GHR: variants seen among roughly 807,000 people sequenced by gnomAD.
GHR encodes GH receptor.
Under a neutral mutation model 67.1 loss-of-function variants are expected in GHR, and 35 were observed. That is an observed-to-expected ratio of 0.52 (90% CI 0.40 to 0.69). The LOEUF (loss-of-function observed/expected upper bound fraction) is 0.69. Among genes scored for constraint, GHR ranks in the 30% least tolerant of loss-of-function variants. The pLI, the probability that GHR is intolerant of heterozygous loss-of-function variation, is 0.00. For missense variants in GHR, 792 were observed against 764.6 expected (o/e 1.04, Z -0.42); for synonymous variants, 272 against 269.1 (o/e 1.01, Z -0.10).
intron 1 of GHR, among the ~76,000 whole-genome samples, chr5:42,440,128 C>T (rs543142580): frequency 3.3e-5 from 5 of 152,266 alleles, no homozygotes; most frequent in South Asian, 2.1e-4. Flanking sequence ...ATTTATTGAA[C>T]GTTTACACTT....
intron 2 of GHR, among the ~76,000 whole-genome samples, chr5:42,573,498 A>G (rs1203215257): frequency 6.6e-6 from 1 of 152,034 alleles, no homozygotes; most frequent in Non-Finnish European, 1.5e-5. Context: ...ACTGGCCAAC[A>G]TTCTGCATTA....
At chr5:42,519,303 C>A (rs1278542229) in intron 1 of GHR, among the ~76,000 whole-genome samples, 2 of 152,108 alleles carry the variant, frequency 1.3e-5, no homozygotes, top group Non-Finnish European at 2.9e-5. Flanking sequence ...AGAATAAGGG[C>A]AATGCATTGT....
intron 4 of GHR, among the ~76,000 whole-genome samples, chr5:42,694,449 C>T (rs1757571700): frequency 6.6e-6 from 1 of 152,124 alleles, no homozygotes; most frequent in South Asian, 2.1e-4. Flanking sequence ...CATCACTCTG[C>T]CTGGAGCACA....
chr5:42,685,792 T>C (rs1262638236), intron 3 of GHR, among the ~76,000 whole-genome samples: 1 of 151,866 alleles, frequency 6.6e-6, no homozygotes, highest in Admixed American at 6.6e-5. Context: ...GATGGGGTTG[T>C]TTTTTTTCTT....
chr5:42,654,014 A>G (rs1012153489), intron 3 of GHR, among the ~76,000 whole-genome samples: 4 of 152,110 alleles, frequency 2.6e-5, no homozygotes, highest in Non-Finnish European at 4.4e-5. Flanking sequence ...TGCCAGATAC[A>G]TTAGCTATTC....
At chr5:42,541,148 C>A (rs538701833) in intron 1 of GHR, among the ~76,000 whole-genome samples, 1 of 152,190 alleles carries the variant, frequency 6.6e-6, no homozygotes, top group African/African-American at 2.4e-5. Context: ...TAGGAGTCAA[C>A]CAAATCGTCT....
intron 1 of GHR, among the ~76,000 whole-genome samples, chr5:42,461,055 T>C (rs1744467970): frequency 6.6e-6 from 1 of 152,120 alleles, no homozygotes; most frequent in Non-Finnish European, 1.5e-5. Context: ...TGGGATATGC[T>C]TTCATTCCTA....
intron 5 of GHR, among the ~76,000 whole-genome samples, chr5:42,698,185 A>T (rs1757768375): frequency 6.6e-6 from 1 of 152,170 alleles, no homozygotes; most frequent in Admixed American, 6.5e-5. Context: ...TCAATATAGC[A>T]TGTAGATTTA....
At chr5:42,603,893 A>G (rs529254187) in intron 2 of GHR, among the ~76,000 whole-genome samples, 5 of 152,262 alleles carry the variant, frequency 3.3e-5, no homozygotes, top group African/African-American at 9.6e-5. Context: ...TCCAATGCCA[A>G]TTGCAAACCC....
At chr5:42,542,291 A>T (rs1748548547) in intron 1 of GHR, among the ~76,000 whole-genome samples, 1 of 152,166 alleles carries the variant, frequency 6.6e-6, no homozygotes, top group African/African-American at 2.4e-5. Flanking sequence ...GGCAAGTGTT[A>T]TTCATTGGTT....
In GHR at chr5:42,503,307, T is replaced by C. The variant is rs567315794; in HGVS notation, c.-11-62557T>C. Among the ~76,000 whole-genome samples, 264 of 152,322 alleles carry C rather than the reference T, an allele frequency of 1.7e-3. 8 individuals are homozygous for C. Among genetic ancestry groups the C allele is most frequent in the South Asian group, 3.3e-3 (16 of 4,830 alleles). On this transcript the variant is annotated intron_variant, in intron 1 of 9. Transcript: ENST00000230882. ...AAATGGGTAGTGTCAAAATATGGAA[T>C]GTGCTAGTAAAATAAGCACACAATT...
rs564424361 is a variant in GHR, at chr5:42,572,920, T to C, written c.70+6976T>C. ...TGGCATTTGTTGTGTTTCCCTCTTC[T>C]AAATGAAGTTATAATGACATCTGTG... On this transcript the variant is annotated intron_variant, in intron 2 of 9. Coordinates refer to ENST00000230882, the MANE Select transcript of GHR (RefSeq NM_000163.5). Among the ~76,000 whole-genome samples, 13 of 152,284 alleles carry C rather than the reference T, an allele frequency of 8.5e-5. No homozygotes were observed. The South Asian group carries it at 2.7e-3, about 32-fold the overall frequency.
intron 1 of GHR, among the ~76,000 whole-genome samples, chr5:42,463,575 T>C (rs1264594715): frequency 6.6e-6 from 1 of 152,228 alleles, no homozygotes; most frequent in Non-Finnish European, 1.5e-5. Flanking sequence ...TAGTCATCTT[T>C]CTGGAAATAT....
At chr5:42,613,639 G>A in intron 2 of GHR, among the ~76,000 whole-genome samples, 1 of 152,042 alleles carries the variant, frequency 6.6e-6, no homozygotes, top group East Asian at 1.9e-4. Flanking sequence ...AGAGGCTTAA[G>A]AACAGCTATT....
intron 1 of GHR, among the ~76,000 whole-genome samples, chr5:42,502,749 C>T (rs1186244634): frequency 6.7e-6 from 1 of 150,150 alleles, no homozygotes; most frequent in Admixed American, 6.6e-5. Context: ...ACTAATTGTA[C>T]ATTTTAAACT....
chr5:42,655,775 A>G (rs1483872502), intron 3 of GHR, among the ~76,000 whole-genome samples: 1 of 152,102 alleles, frequency 6.6e-6, no homozygotes, highest in Non-Finnish European at 1.5e-5. Flanking sequence ...CACAATGTAT[A>G]CTAAGTTAAA....
intron 1 of GHR, among the ~76,000 whole-genome samples, chr5:42,537,074 A>T (rs1449014052): frequency 6.6e-6 from 1 of 151,994 alleles, no homozygotes; most frequent in Non-Finnish European, 1.5e-5. Flanking sequence ...TAATCTTACT[A>T]ATGGTCTATT....
chr5:42,482,230 G>A (rs1350249729), intron 1 of GHR, among the ~76,000 whole-genome samples: 5 of 152,164 alleles, frequency 3.3e-5, no homozygotes, highest in African/African-American at 9.7e-5. Context: ...CTGCCTGATC[G>A]TTCCTCTGGA....
intron 8 of GHR, chr5:42,715,227 T>G: frequency 3.9e-6 from 1 of 259,366 alleles, no homozygotes. Flanking sequence ...ATTTGCCCAT[T>G]AAAAACGCTT....
Sources: gnomAD v4.1 joint callset for allele counts (sites outside exome capture counted in the v4.1 genomes callset) on GRCh38, gnomAD v4.1.1 for gene constraint, MANE v1.5 for transcripts, NCBI Gene and HGNC (gene_info 2026-07-23, HGNC 2026-07-21) for gene names.